The following ANOS1 variants were observed in gnomAD, a reference collection of about 807,000 sequenced individuals.
ANOS1 encodes the protein anosmin 1.
ANOS1 carries 6 observed loss-of-function variants against 59.0 expected under a neutral mutation model. The observed-to-expected ratio is 0.10, with a 90% CI of 0.06 to 0.20. ANOS1 has a LOEUF of 0.20. Among genes scored for constraint, ANOS1 ranks in the 10% least tolerant of loss-of-function variants. The probability of loss-of-function intolerance (pLI) is 1.00; values close to 1 mark genes in which losing one functional copy is unlikely to be tolerated. For missense variants in ANOS1, 433 were observed against 542.3 expected (o/e 0.80, Z 2.00); for synonymous variants, 217 against 223.4 (o/e 0.97, Z 0.25).
At chrX:8,731,215 C>G (rs1352439953) in intron 1 of ANOS1, among the ~76,000 whole-genome samples, 4 of 112,233 alleles carry the variant, frequency 3.6e-5, no homozygotes, top group African/African-American at 1.3e-4. Context: ...CGAATTGAGG[C>G]GCGCACAGCC....
intron 2 of ANOS1, among the ~76,000 whole-genome samples, chrX:8,680,162 C>CCA (rs1932400991): frequency 3.2e-4 from 9 of 28,508 alleles, no homozygotes; most frequent in Admixed American, 4.5e-4. Context: ...GAGACTCCAT[C>CCA]AAAAAAAAAA....
intron 3 of ANOS1, among the ~76,000 whole-genome samples, chrX:8,618,390 C>T (rs1427710460): frequency 1.8e-5 from 2 of 111,990 alleles, no homozygotes; most frequent in African/African-American, 3.2e-5. Flanking sequence ...TTAACAGGTA[C>T]TGCATACTTC....
intron 9 of ANOS1, among the ~76,000 whole-genome samples, chrX:8,549,584 C>A (rs775451209): frequency 1.8e-5 from 2 of 112,307 alleles, no homozygotes. Context: ...AAAGGCTGGG[C>A]TCAGAGGCTC....
chrX:8,613,165 T>G (rs1931093689), intron 3 of ANOS1, among the ~76,000 whole-genome samples: 1 of 111,644 alleles, frequency 9.0e-6, no homozygotes, highest in Non-Finnish European at 1.9e-5. Flanking sequence ...TTGTTTTTAT[T>G]TATAAAGAAC....
chrX:8,651,293 T>G (rs1285895080), intron 2 of ANOS1, among the ~76,000 whole-genome samples: 2 of 112,245 alleles, frequency 1.8e-5, no homozygotes, highest in African/African-American at 6.5e-5. Flanking sequence ...TTAACACCAA[T>G]GCAAATCGCC....
Position 8,669,996 on chromosome X carries a change from T to C in ANOS1, c.255+29702A>G, listed in dbSNP as rs756665995. 2.7e-5 allele frequency among the ~76,000 whole-genome samples: 3 copies of C among 112,128 alleles called. No individual in the cohort carries two copies. The South Asian group carries it at 1.1e-3, about 42-fold the overall frequency. ...GCTGACATGAAGGTAGCTTGCCCAA[T>C]AGATAAACGATGAGAGAAAAGTAGA... On this transcript the variant is annotated intron_variant, in intron 2 of 13. Coordinates refer to ENST00000262648, the MANE Select transcript of ANOS1 (RefSeq NM_000216.4).
chrX:8,566,090 G>A (rs1001903135), intron 8 of ANOS1: 2 of 753,013 alleles, frequency 2.7e-6, no homozygotes, highest in Admixed American at 1.7e-4. Context: ...TGTGTGGAAT[G>A]ATGTCCATTC....
At chrX:8,615,046 T>C (rs777095011) in intron 3 of ANOS1, among the ~76,000 whole-genome samples, 2 of 110,326 alleles carry the variant, frequency 1.8e-5, no homozygotes, top group East Asian at 5.7e-4. Context: ...ATAAGCATTC[T>C]TCAAAACATT....
chrX:8,566,033 T>C (rs1930105705), intron 8 of ANOS1: 3 of 753,295 alleles, frequency 4.0e-6, no homozygotes, highest in Admixed American at 8.7e-5. Flanking sequence ...TCTCTGCCCA[T>C]GCAATGCGCT....
chrX:8,666,429 C>T (rs1194886356), intron 2 of ANOS1, among the ~76,000 whole-genome samples: 1 of 111,031 alleles, frequency 9.0e-6, no homozygotes, highest in Admixed American at 9.6e-5. Flanking sequence ...GATTATTTTC[C>T]CTATATCATA....
intron 3 of ANOS1, among the ~76,000 whole-genome samples, chrX:8,597,564 G>C (rs1930763039): frequency 9.5e-6 from 1 of 105,018 alleles, no homozygotes; most frequent in South Asian, 4.4e-4. Context: ...ACTGATTATA[G>C]TCACAAAACC....
At chrX:8,658,430 C>T (rs1345005290) in intron 2 of ANOS1, among the ~76,000 whole-genome samples, 1 of 111,940 alleles carries the variant, frequency 8.9e-6, no homozygotes, top group Non-Finnish European at 1.9e-5. Context: ...CTCTTTATTG[C>T]TTGTTTTCCC....
Position 8,731,853 on chromosome X carries a change from A to G in ANOS1, c.184T>C (p.Ser62Pro). 8.4e-7 allele frequency: 1 copy of G among 1,193,725 alleles called. No individual in the cohort carries two copies. ...RCLSLQITRISAFFQHFQNNG... is the reference protein window; with the variant it reads ...RCLSLQITRIPAFFQHFQNNG... ...ACCTGGAAGTGCTGGAAGAAGGCGG[A>G]GATGCGAGTGATCTGCAGGCTCAGG... Residue 62 changes from serine to proline, a missense_variant, in exon 1 of 14, where the codon TCC (serine) becomes CCC (proline). By Grantham distance (74) the Ser-to-Pro change is moderately conservative. Transcript: ENST00000262648.
chrX:8,598,965 T>C (rs888216401), intron 3 of ANOS1, among the ~76,000 whole-genome samples: 1 of 111,263 alleles, frequency 9.0e-6, no homozygotes, highest in Non-Finnish European at 1.9e-5. Flanking sequence ...GGTGCCCCCG[T>C]GTTCTTCTTT....
chrX:8,694,190 AT>A (rs1932649820), intron 2 of ANOS1, among the ~76,000 whole-genome samples: 1 of 111,953 alleles, frequency 8.9e-6, no homozygotes, highest in Non-Finnish European at 1.9e-5. Flanking sequence ...CTGAAATGGG[AT>A]TAATCAGACT....
chrX:8,551,493 G>T (rs1206260734), intron 9 of ANOS1, among the ~76,000 whole-genome samples: 2 of 108,649 alleles, frequency 1.8e-5, no homozygotes, highest in Non-Finnish European at 3.8e-5. Flanking sequence ...CAAAAAATTA[G>T]CCGGGCATGG....
At chrX:8,626,661 C>T (rs113059952) in intron 2 of ANOS1, among the ~76,000 whole-genome samples, 1,606 of 109,976 alleles carry the variant, frequency 0.015, 38 homozygotes, top group African/African-American at 0.051. Context: ...AGATCGAGAC[C>T]ATTCTGGCTA....
chrX:8,585,528 G>T, intron 5 of ANOS1, 132 bp from the exon 6 acceptor site: 3 of 679,917 alleles, frequency 4.4e-6, no homozygotes, highest in Non-Finnish European at 7.0e-6. Flanking sequence ...GATAAGAGGG[G>T]CTTATCATGC....
chrX:8,710,219 C>T (rs1441441910), intron 1 of ANOS1, among the ~76,000 whole-genome samples: 3 of 111,958 alleles, frequency 2.7e-5, no homozygotes, highest in East Asian at 5.6e-4. Flanking sequence ...CGTGAGCCAC[C>T]ACGCCCGGCC....
Sources: gnomAD v4.1 joint callset for allele counts (sites outside exome capture counted in the v4.1 genomes callset) on GRCh38, gnomAD v4.1.1 for gene constraint, MANE v1.5 for transcripts, NCBI Gene and HGNC (gene_info 2026-07-23, HGNC 2026-07-21) for gene names.